The following SV2C variants were observed in gnomAD, a reference collection of about 807,000 sequenced individuals.
SV2C encodes the protein solute carrier family 22 member B3.
Under a neutral mutation model 79.7 loss-of-function variants are expected in SV2C, and 49 were observed. That is an observed-to-expected ratio of 0.61 (90% confidence interval 0.49 to 0.78). The LOEUF (loss-of-function observed/expected upper bound fraction) is 0.78. Among genes scored for constraint, SV2C ranks in the 30% least tolerant of loss-of-function variants. The pLI is 0.00. For missense variants in SV2C, 833 were observed against 912.9 expected, an observed-to-expected ratio of 0.91 and a Z score of 1.13; for synonymous variants, 334 against 333.2, an observed-to-expected ratio of 1.00 and a Z score of -0.03.
intron 1 of SV2C, among the ~76,000 whole-genome samples, chr5:76,087,276 A>G (rs1359143159): frequency 6.6e-6 from 1 of 152,236 alleles, no homozygotes; most frequent in African/African-American, 2.4e-5. Flanking sequence ...GACATTTAAA[A>G]TATTTTCTGT....
At chr5:76,134,610 T>A (rs1749008013) in intron 2 of SV2C, among the ~76,000 whole-genome samples, 1 of 152,212 alleles carries the variant, frequency 6.6e-6, no homozygotes, top group Non-Finnish European at 1.5e-5. Flanking sequence ...GCCCAATTTA[T>A]GTTTTAATTA....
chr5:76,245,077 C>A (rs1180171071), intron 4 of SV2C, among the ~76,000 whole-genome samples: 1 of 152,190 alleles, frequency 6.6e-6, no homozygotes, highest in East Asian at 1.9e-4. Context: ...TAGTTCCCCT[C>A]AAGTGTAAGA....
chr5:75,998,003 A>G, the SV2C span, among the ~76,000 whole-genome samples: 1 of 152,118 alleles, frequency 6.6e-6, no homozygotes, highest in Non-Finnish European at 1.5e-5. Context: ...ATGGAATACT[A>G]TGCAGCCATA....
At chr5:76,011,051 T>G in the SV2C span, among the ~76,000 whole-genome samples, 1 of 152,168 alleles carries the variant, frequency 6.6e-6, no homozygotes, top group Non-Finnish European at 1.5e-5. Context: ...CCCACCAATG[T>G]GGCAACTGGT....
the SV2C span, among the ~76,000 whole-genome samples, chr5:75,996,120 C>A: frequency 1.6e-3 from 250 of 152,208 alleles, 6 homozygotes; most frequent in East Asian, 0.042. Context: ...GGTTTTAGGT[C>A]TAACATGTAA....
At chr5:76,114,010 C>G (rs1748178176) in intron 1 of SV2C, among the ~76,000 whole-genome samples, 1 of 152,172 alleles carries the variant, frequency 6.6e-6, no homozygotes, top group Non-Finnish European at 1.5e-5. Flanking sequence ...CAGCACACAT[C>G]TCTTATGTAC....
chr5:75,864,682 G>C, the SV2C span, among the ~76,000 whole-genome samples: 2 of 152,174 alleles, frequency 1.3e-5, no homozygotes, highest in Admixed American at 6.5e-5. Flanking sequence ...TACTGTGGGG[G>C]TCCCTCCCAG....
At chr5:76,303,913 G>A (rs1748098543) in intron 12 of SV2C, among the ~76,000 whole-genome samples, 1 of 152,184 alleles carries the variant, frequency 6.6e-6, no homozygotes, top group African/African-American at 2.4e-5. Context: ...GCGAAGGAGG[G>A]AGGAAGGAGT....
chr5:76,195,847 A>G (rs1031357420), intron 3 of SV2C, among the ~76,000 whole-genome samples: 2 of 152,164 alleles, frequency 1.3e-5, no homozygotes, highest in Non-Finnish European at 2.9e-5. Context: ...TAATCTGTAC[A>G]ACAAACCCCC....
the SV2C span, among the ~76,000 whole-genome samples, chr5:75,868,935 T>C: frequency 6.6e-6 from 1 of 152,228 alleles, no homozygotes; most frequent in Non-Finnish European, 1.5e-5. Flanking sequence ...ATCATAAGCA[T>C]GAGTTTTTCC....
At chr5:76,001,416 C>T in the SV2C span, among the ~76,000 whole-genome samples, 39 of 152,050 alleles carry the variant, frequency 2.6e-4, no homozygotes, top group African/African-American at 8.7e-4. Flanking sequence ...CTGGCTAACA[C>T]GCTGGTCTAC....
intron 2 of SV2C, among the ~76,000 whole-genome samples, chr5:76,154,818 A>G (rs1054913105): frequency 2.0e-5 from 3 of 152,230 alleles, no homozygotes; most frequent in Non-Finnish European, 4.4e-5. Flanking sequence ...GTCCAGAGAA[A>G]AGGAACACAA....
chr5:76,300,577 C>A, intron 10 of SV2C, 152 bp from the exon 11 acceptor site: 1 of 690,314 alleles, frequency 1.4e-6, no homozygotes, highest in Non-Finnish European at 2.4e-6. Flanking sequence ...TATGCTTTGG[C>A]CAGAAGACCC....
the SV2C span, among the ~76,000 whole-genome samples, chr5:75,904,885 G>T: frequency 6.6e-6 from 1 of 152,204 alleles, no homozygotes; most frequent in Non-Finnish European, 1.5e-5. Flanking sequence ...AAATTCTTCA[G>T]TTGGCTAGAT....
At position 76,322,744 on chromosome 5, in the gene SV2C, C is replaced by G. The variant is rs554952042; in HGVS notation, c.2001-2620C>G. Among the ~76,000 whole-genome samples the G allele has an allele frequency of 1.8e-4, 28 of 152,272 alleles. No individual in the cohort carries two copies. The South Asian group carries it at 5.0e-3, about 27-fold the overall frequency. Reference sequence around the variant, plus strand: ...CCGAAATAACACTACACATCTACAACCATCTGATCTTCAACAAACCTCACA... The same window carrying G: ...CCGAAATAACACTACACATCTACAAGCATCTGATCTTCAACAAACCTCACA... On this transcript the variant is annotated intron_variant, in intron 12 of 12. Transcript: ENST00000502798.
rs568847780 is a variant in SV2C at position 76,092,671 on chromosome 5, C to T, written c.-102+9159C>T. 1.1e-4 allele frequency among the ~76,000 whole-genome samples: 16 copies of T among 152,264 alleles called. No individual in the cohort carries two copies. In the South Asian group the frequency reaches 3.3e-3, roughly 32 times the overall value. ...TTTGCTTTTAGGCACATTTTTCACT[C>T]TACTCGACTGTGTATTTGACGGGAT... On this transcript the variant is annotated intron_variant, in intron 1 of 12. Coordinates refer to ENST00000502798, the MANE Select transcript of SV2C (RefSeq NM_014979.4).
chr5:76,225,429 A>T (rs1213745459), intron 4 of SV2C, among the ~76,000 whole-genome samples: 1 of 152,192 alleles, frequency 6.6e-6, no homozygotes, highest in Non-Finnish European at 1.5e-5. Context: ...CTTGGACAGG[A>T]TACTTGCAAA....
At chr5:75,867,262 C>T in the SV2C span, among the ~76,000 whole-genome samples, 1 of 152,110 alleles carries the variant, frequency 6.6e-6, no homozygotes, top group African/African-American at 2.4e-5. Flanking sequence ...GACCTATCAA[C>T]CAGAGGGCAT....
the SV2C span, among the ~76,000 whole-genome samples, chr5:75,891,466 C>T: frequency 7.2e-5 from 11 of 152,032 alleles, no homozygotes; most frequent in South Asian, 8.3e-4. Flanking sequence ...TTGGTTTATC[C>T]AAGTACACTG....
Sources: allele counts gnomAD v4.1 joint callset (sites outside exome capture counted in the v4.1 genomes callset), GRCh38; gene constraint gnomAD v4.1.1; transcripts MANE v1.5; gene names NCBI Gene and HGNC (gene_info 2026-07-23, HGNC 2026-07-21).